POGZ: variants seen among roughly 807,000 people sequenced by gnomAD.
POGZ encodes pogo transposable element derived with ZNF domain, also known as pogo transposable element with ZNF domain.
In POGZ, 17 loss-of-function variants were observed where a neutral mutation model predicts 134.6. The ratio of observed to expected loss-of-function variants is 0.13; its 90% CI spans 0.09 to 0.19. The LOEUF is 0.19. Among genes scored for constraint, POGZ ranks in the 10% least tolerant of loss-of-function variants. The probability of loss-of-function intolerance (pLI) is 1.00; values close to 1 mark genes in which losing one functional copy is unlikely to be tolerated. For synonymous variants in POGZ, 693 were observed against 657.1 expected (o/e 1.05, Z -0.84); for missense variants, 1,306 against 1,769.7 (o/e 0.74, Z 4.70).
rs148459958 is a variant in POGZ at position 151,446,199 on chromosome 1, C to T, written c.-1-3994G>A. Among the ~76,000 whole-genome samples, 202 of 147,738 alleles carry T rather than the reference C, an allele frequency of 1.4e-3. 3 individuals are homozygous for T. The East Asian group carries it at 0.037, about 27-fold the overall frequency. On this transcript the variant is annotated intron_variant, in intron 1 of 18. Coordinates refer to ENST00000271715, the MANE Select transcript of POGZ (RefSeq NM_015100.4). ...CCTCAAAAAAAAAAAAAAGATCTTC[C>T]CAAACTATCATTCCACACATTTAAC...
intron 1 of POGZ, among the ~76,000 whole-genome samples, chr1:151,446,737 T>C (rs1004061532): frequency 5.7e-4 from 63 of 110,532 alleles, no homozygotes; most frequent in African/African-American, 1.9e-3. Flanking sequence ...GCCTGGGCGA[T>C]AGAGCAAGAC....
intron 1 of POGZ, among the ~76,000 whole-genome samples, chr1:151,454,682 G>A (rs1412854877): frequency 6.6e-6 from 1 of 152,194 alleles, no homozygotes; most frequent in Non-Finnish European, 1.5e-5. Context: ...TACTATGATG[G>A]AAAACTTTTC....
At chr1:151,436,545 A>T (rs1659623685) in intron 3 of POGZ, among the ~76,000 whole-genome samples, 1 of 151,318 alleles carries the variant, frequency 6.6e-6, no homozygotes, top group South Asian at 2.1e-4. Context: ...CCGAGTGCAA[A>T]CGATTCTCCT....
chr1:151,455,338 G>C (rs1461308259), intron 1 of POGZ: 2 of 152,152 alleles, frequency 1.3e-5, no homozygotes, highest in Non-Finnish European at 2.9e-5. Flanking sequence ...TCCCAGTTAG[G>C]ATTCAAAGCA....
chr1:151,429,757 A>C, intron 4 of POGZ, 46 bp from the exon 5 acceptor site: 1 of 1,104,392 alleles, frequency 9.1e-7, no homozygotes, highest in Non-Finnish European at 1.4e-6. Context: ...ACCAATTAAC[A>C]CTGACAAAGA....
At position 151,430,858 on chromosome 1, in the gene POGZ, GA is replaced by G. The variant is rs113396244; in HGVS notation, c.284-18del. The stretch of plus-strand genomic sequence containing the variant: ...GATTGCCAGCTAAAGGGTAAAGGAA[GA>G]AAAAAAAAAAGGAATGTTAGAAACA... On this transcript the variant is annotated intron_variant, in intron 3 of 18. Coordinates refer to ENST00000271715, the MANE Select transcript of POGZ (RefSeq NM_015100.4). The G allele has an allele frequency of 0.016, 18,576 of 1,170,312 alleles. 3 individuals are homozygous for G. Among genetic ancestry groups the G allele is most frequent in the South Asian group, 0.023 (1,237 of 54,714 alleles). 72.5% of individuals were successfully genotyped at this position (1,170,312 alleles called of 1,614,324 possible). A position where few individuals can be genotyped will look rare whatever the true frequency, so the allele number is the denominator to read the frequency against.
chr1:151,412,753 T>A (rs114794792), intron 10 of POGZ, among the ~76,000 whole-genome samples: 91 of 152,304 alleles, frequency 6.0e-4, no homozygotes, highest in African/African-American at 2.1e-3. Flanking sequence ...CTATCTCGGA[T>A]TCCAAACCCT....
Position 151,408,675 on chromosome 1 carries a change from A to G in POGZ, c.2061+19T>C, listed in dbSNP as rs1654104319. ...TCCTCCCTCCCTGGGCCTATAAAAGACACTGGCAAACTCTTTACCTTGGTG... is the reference window on the plus strand; with the variant it reads ...TCCTCCCTCCCTGGGCCTATAAAAGGCACTGGCAAACTCTTTACCTTGGTG... On this transcript the variant is annotated intron_variant, in intron 13 of 18. Transcript: ENST00000271715. The G allele has an allele frequency of 6.2e-7, 1 of 1,611,040 alleles. No homozygotes were observed.
chr1:151,410,778 A>T (rs1261880286), intron 12 of POGZ, among the ~76,000 whole-genome samples: 1 of 152,148 alleles, frequency 6.6e-6, no homozygotes, highest in Non-Finnish European at 1.5e-5. Context: ...CCTCACAAAT[A>T]TACTTTCTCT....
Position 151,404,728 on chromosome 1 carries a change from C to T in POGZ, c.*74G>A. The T allele has an allele frequency of 6.7e-7, 1 of 1,498,702 alleles. No homozygotes were observed. The highest frequency in any genetic ancestry group is 8.9e-7 in the Non-Finnish European group (1 of 1,125,816). 92.8% of individuals were successfully genotyped at this position (1,498,702 alleles called of 1,614,324 possible). ...ACCAAATACCCCACCTGGTATGCCC[C>T]CTTTTCCCTAAGCCCCTTTACCCTC... On this transcript the variant is annotated 3_prime_UTR_variant, in exon 19 of 19. Transcript: ENST00000271715.
chr1:151,406,864 T>C, intron 17 of POGZ, 47 bp downstream of exon 17: 1 of 1,424,438 alleles, frequency 7.0e-7, no homozygotes, highest in Non-Finnish European at 9.9e-7. Flanking sequence ...CGAACCTGTA[T>C]CTTTTTTCCT....
intron 5 of POGZ, chr1:151,429,345 C>A: frequency 4.1e-6 from 1 of 244,088 alleles, no homozygotes; most frequent in South Asian, 9.1e-5. Flanking sequence ...GACTAAATAC[C>A]AGTTACAGAA....
chr1:151,458,617 C>T lies in POGZ; in HGVS notation c.-2+535G>A, dbSNP rs567017499. On this transcript the variant is annotated intron_variant, in intron 1 of 18. Coordinates refer to ENST00000271715, the MANE Select transcript of POGZ (RefSeq NM_015100.4). ...AGGGGCCGCTCCGCCGCCGCCCGCC[C>T]CTCCGCCGCACGGCCTCGCCCCCTC... Among the ~76,000 whole-genome samples the T allele has an allele frequency of 2.2e-3, 331 of 148,078 alleles. 5 individuals are homozygous for T. Among genetic ancestry groups the T allele is most frequent in the Middle Eastern group, 0.01 (3 of 290 alleles).
intron 1 of POGZ, among the ~76,000 whole-genome samples, chr1:151,446,779 A>AG (rs1491143769): frequency 2.9e-5 from 4 of 139,596 alleles, no homozygotes; most frequent in Admixed American, 2.8e-4. Flanking sequence ...AAAAAAAAAA[A>AG]GGAAAACTTG....
rs1031301138 is a variant in POGZ, at chr1:151,445,589, T to C, written c.-1-3384A>G. On this transcript the variant is annotated intron_variant, in intron 1 of 18. Transcript: ENST00000271715. Reference sequence around the variant, plus strand: ...AAGAAAAAAAAGAAAATCCAACTTATGGGGAAATATTTTTCATTTTTTTTT... The same window carrying C: ...AAGAAAAAAAAGAAAATCCAACTTACGGGGAAATATTTTTCATTTTTTTTT... Among the ~76,000 whole-genome samples the C allele has an allele frequency of 3.7e-5, 4 of 108,480 alleles. No individual in the cohort carries two copies. In the East Asian group the frequency reaches 6.0e-4, roughly 16 times the overall value. The allele number at this position is 108,480 out of a possible 152,430, so 71.2% of individuals were successfully genotyped here.
intron 1 of POGZ, among the ~76,000 whole-genome samples, chr1:151,458,941 G>A (rs1196295464): frequency 1.4e-5 from 2 of 143,788 alleles, no homozygotes; most frequent in African/African-American, 2.5e-5. Context: ...TCGCGCTCGC[G>A]CGCCGCACCC....
In POGZ at chr1:151,407,261, A is replaced by G; in HGVS notation, c.2406T>C (p.Tyr802=). Residue 802 remains tyrosine, a synonymous_variant, in exon 16 of 19, where the codon TAT becomes TAC. Coordinates refer to ENST00000271715, the MANE Select transcript of POGZ (RefSeq NM_015100.4). ...NNHVPRKSPK[Y]LALFKNSVSG... ...TCACAGAATTTTTAAACAAAGCCAA[A>G]TACTTGGGGCTCTTCCGTGGAACAT... is the stretch of plus-strand genomic sequence containing the variant. 6.2e-7 allele frequency: 1 copy of G among 1,609,352 alleles called. No homozygotes were observed. The highest frequency in any genetic ancestry group is 1.7e-5 in the Admixed American group (1 of 59,154).
chr1:151,439,357 C>A (rs1347403722), intron 3 of POGZ, among the ~76,000 whole-genome samples: 1 of 152,094 alleles, frequency 6.6e-6, no homozygotes, highest in Non-Finnish European at 1.5e-5. Flanking sequence ...ATAAAATCAT[C>A]ATATTTTCAG....
At chr1:151,433,686 T>A (rs1659109247) in intron 3 of POGZ, among the ~76,000 whole-genome samples, 1 of 151,416 alleles carries the variant, frequency 6.6e-6, no homozygotes, top group Non-Finnish European at 1.5e-5. Flanking sequence ...CAGATTAGAT[T>A]CACAATGCAA....
Sources: gnomAD v4.1 joint callset for allele counts (sites outside exome capture counted in the v4.1 genomes callset) on GRCh38, gnomAD v4.1.1 for gene constraint, MANE v1.5 for transcripts, NCBI Gene and HGNC (gene_info 2026-07-23, HGNC 2026-07-21) for gene names.